Variants in PDZD2 observed in about 807,000 individuals in gnomAD.
The protein encoded by PDZD2 is PDZ domain containing 2.
A neutral mutation model predicts 220.7 loss-of-function variants in PDZD2; 90 were observed. The ratio of observed to expected loss-of-function variants is 0.41; its 90% CI spans 0.34 to 0.49. PDZD2 has a LOEUF of 0.49. Among genes scored for constraint, PDZD2 ranks in the 20% least tolerant of loss-of-function variants. The pLI is 0.28. For missense variants in PDZD2, 3,174 were observed against 3,608.5 expected, an observed-to-expected ratio of 0.88 and a Z score of 3.08; for synonymous variants, 1,375 against 1,450.5, an observed-to-expected ratio of 0.95 and a Z score of 1.18.
At chr5:31,699,994 G>A (rs1205841430) in intron 1 of PDZD2, among the ~76,000 whole-genome samples, 2 of 152,096 alleles carry the variant, frequency 1.3e-5, no homozygotes, top group Non-Finnish European at 2.9e-5. Flanking sequence ...GAATCTTAAG[G>A]ATCAGCTCTG....
intron 7 of PDZD2, 146 bp downstream of exon 7, chr5:32,037,488 A>G (rs113300428): frequency 1.7e-6 from 1 of 603,016 alleles, no homozygotes; most frequent in Non-Finnish European, 2.9e-6. Flanking sequence ...TATCCCAGGC[A>G]TAACAACTGC....
intron 2 of PDZD2, among the ~76,000 whole-genome samples, chr5:31,898,543 TTGTC>T (rs1342009757): frequency 6.6e-6 from 1 of 152,188 alleles, no homozygotes; most frequent in Non-Finnish European, 1.5e-5. Flanking sequence ...CCACCCCTGA[TTGTC>T]TGTAAGCTCT....
Position 32,107,962 on chromosome 5 carries a change from C to G in PDZD2, c.8354-7C>G, listed in dbSNP as rs769569997. 4.1e-5 allele frequency: 66 copies of G among 1,606,918 alleles called. No individual in the cohort carries two copies. Among genetic ancestry groups the G allele is most frequent in the Non-Finnish European group, 5.5e-5 (65 of 1,174,866 alleles). ...AGCTATTAATTATTCTGTGTTTATT[C>G]TCGTAGGTGGTGCGGCTGAACAAGC... On this transcript the variant is annotated splice_region_variant and splice_polypyrimidine_tract_variant and intron_variant, in intron 24 of 24. Transcript: ENST00000438447.
chr5:31,846,415 G>A (rs1468066110), intron 2 of PDZD2, among the ~76,000 whole-genome samples: 4 of 152,188 alleles, frequency 2.6e-5, no homozygotes, highest in Admixed American at 6.5e-5. Flanking sequence ...GATTAGAGGC[G>A]TGAGCCACCA....
At chr5:31,874,716 G>T (rs577745002) in intron 2 of PDZD2, among the ~76,000 whole-genome samples, 1 of 149,562 alleles carries the variant, frequency 6.7e-6, no homozygotes, top group African/African-American at 2.5e-5. Flanking sequence ...AGCTGAGATC[G>T]TGCCACTACA....
At chr5:31,902,200 C>G (rs1284424200) in intron 2 of PDZD2, among the ~76,000 whole-genome samples, 1 of 152,090 alleles carries the variant, frequency 6.6e-6, no homozygotes, top group Admixed American at 6.5e-5. Flanking sequence ...ACATTCCTAC[C>G]AACAATGCAT....
At chr5:31,681,750 G>A (rs186656280) in intron 1 of PDZD2, among the ~76,000 whole-genome samples, 93 of 152,244 alleles carry the variant, frequency 6.1e-4, no homozygotes, top group African/African-American at 2.1e-3. Context: ...CAAGTTAAAT[G>A]AGAGTTTGAA....
chr5:31,726,929 T>C (rs1355651599), intron 1 of PDZD2, among the ~76,000 whole-genome samples: 2 of 152,188 alleles, frequency 1.3e-5, no homozygotes, highest in Non-Finnish European at 2.9e-5. Context: ...CAACATCTGC[T>C]CAGCTTCTGG....
intron 3 of PDZD2, among the ~76,000 whole-genome samples, chr5:31,987,498 G>A (rs1331628798): frequency 6.6e-6 from 1 of 152,132 alleles, no homozygotes; most frequent in East Asian, 1.9e-4. Flanking sequence ...CCTGAGGATG[G>A]TCCTTTTCCA....
At chr5:31,776,847 C>A (rs934749754) in intron 1 of PDZD2, among the ~76,000 whole-genome samples, 4 of 146,576 alleles carry the variant, frequency 2.7e-5, no homozygotes, top group Non-Finnish European at 4.5e-5. Flanking sequence ...TTGGTAGAGA[C>A]AGGGTTTCAC....
intron 1 of PDZD2, among the ~76,000 whole-genome samples, chr5:31,673,895 C>T (rs573092607): frequency 2.6e-5 from 4 of 152,196 alleles, no homozygotes; most frequent in South Asian, 2.1e-4. Flanking sequence ...CACTTGAACC[C>T]GGGAGGCAGA....
At chr5:31,759,648 C>T (rs1427714992) in intron 1 of PDZD2, among the ~76,000 whole-genome samples, 18 of 151,376 alleles carry the variant, frequency 1.2e-4, no homozygotes, top group Admixed American at 3.3e-4. Context: ...CAGGTTCAAG[C>T]GATTCTCCTG....
chr5:31,823,291 A>G (rs1240043864), intron 2 of PDZD2, among the ~76,000 whole-genome samples: 3 of 151,816 alleles, frequency 2.0e-5, no homozygotes, highest in Non-Finnish European at 2.9e-5. Flanking sequence ...GCATGGTGAA[A>G]CCTGTCTTTA....
chr5:31,891,129 T>C (rs1740992625), intron 2 of PDZD2, among the ~76,000 whole-genome samples: 1 of 3,988 alleles, frequency 2.5e-4, no homozygotes, highest in Non-Finnish European at 7.7e-4. Flanking sequence ...GGTTTTTCCT[T>C]TTTTTTTTTT....
At chr5:31,734,791 C>CAGCT (rs1749751607) in intron 1 of PDZD2, among the ~76,000 whole-genome samples, 1 of 152,198 alleles carries the variant, frequency 6.6e-6, no homozygotes, top group Non-Finnish European at 1.5e-5. Flanking sequence ...CCCCATCCTA[C>CAGCT]AGCTATCCAG....
chr5:31,912,746 T>C lies in PDZD2; in HGVS notation c.477-70409T>C, dbSNP rs529587375. Among the ~76,000 whole-genome samples the C allele has an allele frequency of 2.6e-5, 4 of 152,302 alleles. No individual in the cohort carries two copies. The East Asian group carries it at 7.7e-4, about 29-fold the overall frequency. On this transcript the variant is annotated intron_variant, in intron 2 of 24. Transcript: ENST00000438447. ...CCATGGAGGTGTCTCTCTAGCATGATGGTACTTTCTGAAATTATGTTTTGT... is the reference window on the plus strand; with the variant it reads ...CCATGGAGGTGTCTCTCTAGCATGACGGTACTTTCTGAAATTATGTTTTGT...
chr5:32,061,467 T>G (rs1477222348), intron 14 of PDZD2, among the ~76,000 whole-genome samples: 2 of 152,202 alleles, frequency 1.3e-5, no homozygotes, highest in Non-Finnish European at 2.9e-5. Flanking sequence ...GACTGGACGA[T>G]CTCTATGACC....
intron 1 of PDZD2, among the ~76,000 whole-genome samples, chr5:31,649,264 C>T (rs1248329677): frequency 6.6e-6 from 1 of 152,054 alleles, no homozygotes; most frequent in Non-Finnish European, 1.5e-5. Flanking sequence ...GATTCAGGCT[C>T]CTTGCCCCAG....
chr5:31,829,796 T>G lies in PDZD2; in HGVS notation c.476+30072T>G, dbSNP rs575109766. ...GGCTGGGTGTGGTGGCTCATGCCTGTAATTCCAGCACTTTCGGAAGCCAAG... is the reference window on the plus strand; with the variant it reads ...GGCTGGGTGTGGTGGCTCATGCCTGGAATTCCAGCACTTTCGGAAGCCAAG... On this transcript the variant is annotated intron_variant, in intron 2 of 24. Transcript: ENST00000438447. 4.6e-5 allele frequency among the ~76,000 whole-genome samples: 7 copies of G among 152,184 alleles called. No individual in the cohort carries two copies. In the East Asian group the frequency reaches 1.4e-3, roughly 30 times the overall value.
Sources: allele counts gnomAD v4.1 joint callset (sites outside exome capture counted in the v4.1 genomes callset), GRCh38; gene constraint gnomAD v4.1.1; transcripts MANE v1.5; gene names NCBI Gene and HGNC (gene_info 2026-07-23, HGNC 2026-07-21).